Variants in HECTD4 observed in about 807,000 individuals in gnomAD.
HECTD4 encodes HECT domain E3 ubiquitin protein ligase 4, also known as probable E3 ubiquitin-protein ligase HECTD4.
A neutral mutation model predicts 471.5 loss-of-function variants in HECTD4; 114 were observed. The ratio of observed to expected loss-of-function variants is 0.24; its 90% CI spans 0.21 to 0.28. The LOEUF is 0.28. Ranked by LOEUF, HECTD4 falls within the 10% of genes least tolerant of loss-of-function variation. HECTD4 has a pLI of 1.00. For missense variants in HECTD4, 3,866 were observed against 5,651.5 expected, an observed-to-expected ratio of 0.68 and a Z score of 10.13; for synonymous variants, 2,012 against 2,256.0, an observed-to-expected ratio of 0.89 and a Z score of 3.07.
chr12:112,323,940 T>C (rs1032071466), intron 1 of HECTD4, among the ~76,000 whole-genome samples: 11 of 148,056 alleles, frequency 7.4e-5, no homozygotes, highest in Non-Finnish European at 1.5e-4. Flanking sequence ...TATTTTTTAC[T>C]GAGGTGCTTC....
intron 1 of HECTD4, among the ~76,000 whole-genome samples, chr12:112,347,799 G>C (rs991429330): frequency 1.3e-5 from 2 of 152,232 alleles, no homozygotes; most frequent in Non-Finnish European, 2.9e-5. Context: ...AAGAACTGCT[G>C]ATTTAGAACA....
Position 112,219,441 on chromosome 12 carries a change from A to G in HECTD4, c.7019T>C (p.Leu2340Pro), listed in dbSNP as rs773973026. The G allele has an allele frequency of 1.2e-6, 2 of 1,613,866 alleles. No homozygotes were observed. The highest frequency in any genetic ancestry group is 2.2e-5 in the East Asian group (1 of 44,876). ...TGGGGGCCGAGCACAGTCCCGGTAG[A>G]GCATCCTCAGCCGTTCACACTGTAC... ...VEVQCERLRM[L>P]YRDCARPPPP... The change falls in exon 45 of 76, where the codon CTC becomes CCC. Residue 2340 changes from leucine to proline, a missense_variant. Coordinates refer to ENST00000682272, the MANE Select transcript of HECTD4 (RefSeq NM_001388303.1).
At chr12:112,347,735 C>T (rs116743505) in intron 1 of HECTD4, among the ~76,000 whole-genome samples, 231 of 152,320 alleles carry the variant, frequency 1.5e-3, no homozygotes, top group African/African-American at 5.4e-3. Context: ...TCTGTGGTTT[C>T]CTAAAGCCAA....
chr12:112,215,501 T>C (rs2032893747), intron 48 of HECTD4, among the ~76,000 whole-genome samples: 1 of 152,190 alleles, frequency 6.6e-6, no homozygotes, highest in Admixed American at 6.6e-5. Flanking sequence ...ACAGATCTAG[T>C]TATTTACATG....
At chr12:112,304,627 G>GACCTA (rs1291061026) in intron 7 of HECTD4, among the ~76,000 whole-genome samples, 1 of 149,684 alleles carries the variant, frequency 6.7e-6, no homozygotes. Flanking sequence ...GCTCAGCCAA[G>GACCTA]ACCTAAATGA....
intron 41 of HECTD4, 53 bp downstream of exon 41, chr12:112,229,645 G>C (rs1457662949): frequency 2.7e-6 from 4 of 1,495,658 alleles, no homozygotes; most frequent in Non-Finnish European, 3.7e-6. Flanking sequence ...TTAATTAATG[G>C]ATGCTTATAT....
At chr12:112,358,957 C>T (rs1271166649) in intron 1 of HECTD4, among the ~76,000 whole-genome samples, 3 of 152,070 alleles carry the variant, frequency 2.0e-5, no homozygotes, top group Admixed American at 6.6e-5. Flanking sequence ...AGGTAGATCA[C>T]GAGGTCAGGA....
chr12:112,212,748 T>C, intron 48 of HECTD4, 98 bp from the exon 49 acceptor site: 1 of 874,512 alleles, frequency 1.1e-6, no homozygotes, highest in Non-Finnish European at 1.7e-6. Context: ...CACAGACTAT[T>C]TATGCTCTCA....
rs183487457 is a variant in HECTD4, at chr12:112,161,338, C to T, written c.*1049G>A. On this transcript the variant is annotated 3_prime_UTR_variant, in exon 76 of 76. Coordinates refer to ENST00000682272, the MANE Select transcript of HECTD4 (RefSeq NM_001388303.1). ...ATGGGGAGTGCTGGGTGGGGCTGGC[C>T]AGAGGGGCAGAAGGACCCCCCTGGA... The T allele has an allele frequency of 6.6e-6, 1 of 152,282 alleles. No homozygotes were observed. The highest frequency in any genetic ancestry group is 1.5e-5 in the Non-Finnish European group (1 of 68,066). 9.4% of individuals were successfully genotyped at this position (152,282 alleles called of 1,614,324 possible).
At chr12:112,294,594 A>G (rs1037462527) in intron 7 of HECTD4, among the ~76,000 whole-genome samples, 3 of 152,114 alleles carry the variant, frequency 2.0e-5, no homozygotes, top group African/African-American at 7.2e-5. Context: ...AAACCCCTGG[A>G]GAGAAAGATC....
intron 7 of HECTD4, 61 bp downstream of exon 7, chr12:112,306,003 A>G (rs2035264652): frequency 1.3e-6 from 2 of 1,519,174 alleles, no homozygotes; most frequent in Non-Finnish European, 1.8e-6. Context: ...GCACACCAAT[A>G]TAAAAAGAAA....
intron 2 of HECTD4, among the ~76,000 whole-genome samples, chr12:112,317,639 G>C (rs1387072767): frequency 1.3e-5 from 2 of 152,186 alleles, no homozygotes; most frequent in Non-Finnish European, 2.9e-5. Flanking sequence ...ACAGATGCCA[G>C]TGATCATACG....
intron 1 of HECTD4, among the ~76,000 whole-genome samples, chr12:112,349,408 A>AG (rs1283816401): frequency 6.9e-4 from 104 of 151,058 alleles, no homozygotes; most frequent in African/African-American, 2.3e-3. Context: ...AAAAAAAAAA[A>AG]AAAGAAAGAA....
chr12:112,308,955 C>T lies in HECTD4; in HGVS notation c.1026-64G>A, dbSNP rs1460568894. ...TATGTCAGAAACCCCACACAAGCTACAACAGACACAAACAACATTTTCGAC... is the reference window on the plus strand; with the variant it reads ...TATGTCAGAAACCCCACACAAGCTATAACAGACACAAACAACATTTTCGAC... On this transcript the variant is annotated intron_variant, in intron 5 of 75. Transcript: ENST00000682272. 5.5e-6 allele frequency: 8 copies of T among 1,453,712 alleles called. No individual in the cohort carries two copies. In the East Asian group the frequency reaches 2.0e-4, roughly 36 times the overall value. 90.1% of individuals were successfully genotyped at this position (1,453,712 alleles called of 1,614,324 possible). A position where few individuals can be genotyped will look rare whatever the true frequency, so the allele number is the denominator to read the frequency against.
intron 62 of HECTD4, among the ~76,000 whole-genome samples, chr12:112,182,322 T>G (rs1462403508): frequency 3.3e-5 from 5 of 150,558 alleles, no homozygotes; most frequent in African/African-American, 1.2e-4. Context: ...ATAAAATAAT[T>G]TTTTTTAAAG....
intron 3 of HECTD4, among the ~76,000 whole-genome samples, chr12:112,313,844 G>A (rs777325871): frequency 6.6e-6 from 1 of 152,064 alleles, no homozygotes; most frequent in Non-Finnish European, 1.5e-5. Context: ...TTATATCTGT[G>A]TGTAAAATAT....
Position 112,192,756 on chromosome 12 carries a change from CAG to C in HECTD4, c.9094_9095del (p.Leu3032ValfsTer49). On this transcript the variant is annotated frameshift_variant, in exon 59 of 76. Transcript: ENST00000682272. LOFTEE classifies it high-confidence loss of function. Reference protein sequence around the residue: ...SQSGFRKDSSLYKAPWARVLV... With the variant: ...SQSGFRKDSSXYKAPWARVLV... ...GCACCCGTGCCCACGGTGCCTTGTACAGAGAGGAGCTGAGAAGGAGGGATGGG... is the reference window on the plus strand; with the variant it reads ...GCACCCGTGCCCACGGTGCCTTGTACAGAGGAGCTGAGAAGGAGGGATGGG... 1 of 1,580,766 alleles carries C rather than the reference CAG, an allele frequency of 6.3e-7. No homozygotes were observed. The highest frequency in any genetic ancestry group is 8.6e-7 in the Non-Finnish European group (1 of 1,163,570).
chr12:112,346,592 T>C (rs1341066421), intron 1 of HECTD4, among the ~76,000 whole-genome samples: 2 of 152,130 alleles, frequency 1.3e-5, no homozygotes, highest in African/African-American at 2.4e-5. Flanking sequence ...ACCTAGACCA[T>C]CTATAGTTGA....
rs751319807 is a variant in HECTD4, at chr12:112,235,697, C to T, written c.5532G>A (p.Lys1844=). Residue 1844 remains lysine, a synonymous_variant, in exon 36 of 76, where the codon AAG becomes AAA. Transcript: ENST00000682272. This position sits in a 1 kb window ranked among gnomAD's most constrained non-coding sequence, Gnocchi z 5.0. ...SLLLDQRPSP[K]LVLIILQLCR... ...ACAGCTGGAGAATAATAAGGACTAG[C>T]TTTGGAGACGGGCGTTGGTCAAGCA... 3 of 1,613,896 alleles carry T rather than the reference C, an allele frequency of 1.9e-6. No homozygotes were observed. In the African/African-American group the frequency reaches 4.0e-5, roughly 22 times the overall value.
Sources: gnomAD v4.1 joint callset for allele counts (sites outside exome capture counted in the v4.1 genomes callset) on GRCh38, gnomAD v4.1.1 for gene constraint, Gnocchi (gnomAD v3.1) non-coding constraint, MANE v1.5 for transcripts, NCBI Gene and HGNC (gene_info 2026-07-23, HGNC 2026-07-21) for gene names.